ADARB2: variants seen among roughly 807,000 people sequenced by gnomAD.
ADARB2 encodes the protein inactive double-stranded RNA-specific editase B2.
ADARB2 carries 25 observed loss-of-function variants against 62.2 expected under a neutral mutation model. The observed-to-expected ratio is 0.40, with a 90% CI of 0.29 to 0.56. The LOEUF (loss-of-function observed/expected upper bound fraction) is 0.56. ADARB2 is among the 20% of genes least tolerant of loss of function. ADARB2 has a pLI of 0.43. For missense variants in ADARB2, 1,071 were observed against 1,077.4 expected (o/e 0.99, Z 0.08); for synonymous variants, 572 against 500.8 (o/e 1.14, Z -1.90).
chr10:1,270,894 AG>A lies in ADARB2; in HGVS notation c.1192+60del, dbSNP rs373729273. On this transcript the variant is annotated intron_variant, in intron 4 of 9. Coordinates refer to ENST00000381312, the MANE Select transcript of ADARB2 (RefSeq NM_018702.4). ...AGCCTTTTGGCCTCCAAGATCAGGT[AG>A]ATGCTAATGCTCCTTTCTTTAGAGA... is the stretch of plus-strand genomic sequence containing the variant. The A allele has an allele frequency of 1.1e-3, 1,644 of 1,445,194 alleles. 37 individuals are homozygous for A. The South Asian group carries it at 0.018, about 16-fold the overall frequency. 89.5% of individuals were successfully genotyped at this position (1,445,194 alleles called of 1,614,324 possible). A position where few individuals can be genotyped will look rare whatever the true frequency, so the allele number is the denominator to read the frequency against.
chr10:1,289,229 G>T (rs754845435), intron 3 of ADARB2, among the ~76,000 whole-genome samples: 1 of 152,166 alleles, frequency 6.6e-6, no homozygotes, highest in African/African-American at 2.4e-5. Flanking sequence ...CCTGGAAGCC[G>T]CTGCTTTGAG....
intron 1 of ADARB2, among the ~76,000 whole-genome samples, chr10:1,486,725 G>A (rs1831547169): frequency 6.6e-6 from 1 of 152,166 alleles, no homozygotes. Context: ...GGGTGACCAG[G>A]GTTGGTGGGG....
At chr10:1,389,257 A>C (rs1338373354) in intron 1 of ADARB2, among the ~76,000 whole-genome samples, 3 of 152,208 alleles carry the variant, frequency 2.0e-5, no homozygotes, top group African/African-American at 4.8e-5. Context: ...AGGAGATAGA[A>C]AGCACTAACT....
chr10:1,357,081 A>T (rs1166120343), intron 3 of ADARB2, among the ~76,000 whole-genome samples: 1 of 152,194 alleles, frequency 6.6e-6, no homozygotes, highest in Non-Finnish European at 1.5e-5. Context: ...CTGTCTGCAC[A>T]GGGGGTTAAA....
At chr10:1,213,599 T>C (rs1485606687) in intron 7 of ADARB2, among the ~76,000 whole-genome samples, 1 of 152,222 alleles carries the variant, frequency 6.6e-6, no homozygotes, top group Non-Finnish European at 1.5e-5. Flanking sequence ...ACCCGGCAGG[T>C]GCTTAGGATT....
At chr10:1,507,034 C>A (rs903205947) in intron 1 of ADARB2, among the ~76,000 whole-genome samples, 1 of 152,216 alleles carries the variant, frequency 6.6e-6, no homozygotes, top group Non-Finnish European at 1.5e-5. Context: ...ACTCAGGGAC[C>A]AACGTCCACT....
At chr10:1,433,389 A>G (rs1034342689) in intron 1 of ADARB2, among the ~76,000 whole-genome samples, 2 of 152,202 alleles carry the variant, frequency 1.3e-5, no homozygotes, top group Non-Finnish European at 2.9e-5. Flanking sequence ...AAGTGATCTC[A>G]GGGAAGAATA....
chr10:1,465,189 C>T (rs1331920211), intron 1 of ADARB2, among the ~76,000 whole-genome samples: 3 of 152,058 alleles, frequency 2.0e-5, no homozygotes, highest in Non-Finnish European at 2.9e-5. Context: ...GTTACAGGGT[C>T]GGGAGGTGAA....
At chr10:1,420,281 G>A (rs557534017) in intron 1 of ADARB2, among the ~76,000 whole-genome samples, 3 of 152,198 alleles carry the variant, frequency 2.0e-5, no homozygotes, top group South Asian at 2.1e-4. Context: ...TACTTTGTAA[G>A]TATTTTTACA....
intron 1 of ADARB2, among the ~76,000 whole-genome samples, chr10:1,636,520 C>A (rs1316396384): frequency 6.6e-6 from 1 of 151,930 alleles, no homozygotes; most frequent in Non-Finnish European, 1.5e-5. Context: ...CTGTAAAAAA[C>A]CAAAAGAAAT....
Position 1,694,962 on chromosome 10 carries a change from C to T in ADARB2, c.100+42089G>A, listed in dbSNP as rs72766778. Among the ~76,000 whole-genome samples, 1,125 of 152,274 alleles carry T rather than the reference C, an allele frequency of 7.4e-3. 6 individuals are homozygous for T. Among genetic ancestry groups the T allele is most frequent in the Non-Finnish European group, 0.011 (779 of 68,018 alleles). On this transcript the variant is annotated intron_variant, in intron 1 of 9. Coordinates refer to ENST00000381312, the MANE Select transcript of ADARB2 (RefSeq NM_018702.4). The stretch of plus-strand genomic sequence containing the variant: ...CATGGAAGGTTACACAGCTCCACGC[C>T]TGCACCGGGAGGGAGACCTTGCGAC...
At chr10:1,589,421 G>A (rs1039621773) in intron 1 of ADARB2, among the ~76,000 whole-genome samples, 4 of 151,314 alleles carry the variant, frequency 2.6e-5, no homozygotes, top group Non-Finnish European at 5.9e-5. Context: ...CTGCGGTCAG[G>A]GCATCCATGG....
intron 1 of ADARB2, among the ~76,000 whole-genome samples, chr10:1,585,893 G>T (rs1200695934): frequency 6.6e-6 from 1 of 152,140 alleles, no homozygotes; most frequent in Non-Finnish European, 1.5e-5. Flanking sequence ...AACTGGCTGG[G>T]TGGGGTGGCG....
In ADARB2 at chr10:1,699,269, C is replaced by T. The variant is rs577411957; in HGVS notation, c.100+37782G>A. The stretch of plus-strand genomic sequence containing the variant: ...ACTCAATCCCACTCCACCGGGAGAC[C>T]GGGCACTCGCCAATACACGCAATCC... On this transcript the variant is annotated intron_variant, in intron 1 of 9. Coordinates refer to ENST00000381312, the MANE Select transcript of ADARB2 (RefSeq NM_018702.4). 2.4e-3 allele frequency among the ~76,000 whole-genome samples: 191 copies of T among 81,150 alleles called. 1 individual carries two copies. Among genetic ancestry groups the T allele is most frequent in the Middle Eastern group, 0.012 (2 of 166 alleles). The allele number at this position is 81,150 out of a possible 152,430, so 53.2% of individuals were successfully genotyped here.
At chr10:1,720,248 G>C (rs556503889) in intron 1 of ADARB2, among the ~76,000 whole-genome samples, 5 of 152,174 alleles carry the variant, frequency 3.3e-5, no homozygotes, top group Non-Finnish European at 7.3e-5. Context: ...GCTAGAGGCT[G>C]TTACCCTGAG....
At chr10:1,259,518 C>T (rs938763638) in intron 4 of ADARB2, among the ~76,000 whole-genome samples, 1 of 152,212 alleles carries the variant, frequency 6.6e-6, no homozygotes, top group African/African-American at 2.4e-5. Context: ...ATACTATAAA[C>T]ACTTCTACGC....
At chr10:1,708,537 G>A (rs1318324386) in intron 1 of ADARB2, among the ~76,000 whole-genome samples, 2 of 152,158 alleles carry the variant, frequency 1.3e-5, no homozygotes, top group African/African-American at 2.4e-5. Context: ...AGGCCCTTTA[G>A]TCAAGACGCC....
intron 1 of ADARB2, among the ~76,000 whole-genome samples, chr10:1,670,688 C>G (rs908450077): frequency 2.0e-5 from 3 of 152,226 alleles, no homozygotes; most frequent in Non-Finnish European, 4.4e-5. Context: ...CGCTCAGGGC[C>G]TCGAGGCTCA....
Position 1,636,767 on chromosome 10 carries a change from C to T in ADARB2, c.100+100284G>A, listed in dbSNP as rs930821061. 4.8e-5 allele frequency among the ~76,000 whole-genome samples: 7 copies of T among 146,658 alleles called. 1 individual carries two copies. Among genetic ancestry groups the T allele is most frequent in the East Asian group, 2.0e-4 (1 of 5,046 alleles). On this transcript the variant is annotated intron_variant, in intron 1 of 9. Transcript: ENST00000381312. ...GTATAATATACATCATATCAATATA[C>T]AATATATGAAATATATCAATATTAT...
Sources: gnomAD v4.1 joint callset for allele counts (sites outside exome capture counted in the v4.1 genomes callset) on GRCh38, gnomAD v4.1.1 for gene constraint, MANE v1.5 for transcripts, NCBI Gene and HGNC (gene_info 2026-07-23, HGNC 2026-07-21) for gene names.